The following IL1RAPL2 variants were observed in gnomAD, a reference collection of about 807,000 sequenced individuals.
IL1RAPL2 encodes the protein interleukin 1 receptor accessory protein like 2.
Under a neutral mutation model 44.1 loss-of-function variants are expected in IL1RAPL2, and 3 were observed. That is an observed-to-expected ratio of 0.07 (90% CI 0.03 to 0.18). The LOEUF (loss-of-function observed/expected upper bound fraction) is 0.18, where lower values mean the gene tolerates loss of function less well. IL1RAPL2 is among the 10% of genes least tolerant of loss of function. IL1RAPL2 has a pLI of 1.00. For missense variants in IL1RAPL2, 391 were observed against 496.4 expected, an observed-to-expected ratio of 0.79 and a Z score of 2.02; for synonymous variants, 181 against 178.8, an observed-to-expected ratio of 1.01 and a Z score of -0.10.
intron 2 of IL1RAPL2, among the ~76,000 whole-genome samples, chrX:104,802,577 C>T (rs1010110556): frequency 2.7e-5 from 3 of 110,699 alleles, no homozygotes; most frequent in Non-Finnish European, 3.8e-5. Context: ...TCATTTCAGC[C>T]GCTGTATGCA....
chrX:105,478,296 G>A (rs1172242448), intron 5 of IL1RAPL2, among the ~76,000 whole-genome samples: 1 of 111,245 alleles, frequency 9.0e-6, no homozygotes, highest in Non-Finnish European at 1.9e-5. Flanking sequence ...GGCCAGGGAA[G>A]CTGCTAAACA....
chrX:104,981,948 T>A (rs1001668650), intron 2 of IL1RAPL2, among the ~76,000 whole-genome samples: 2 of 110,458 alleles, frequency 1.8e-5, no homozygotes, highest in African/African-American at 6.6e-5. Flanking sequence ...ACTTTTACAA[T>A]GGATGCAAAG....
chrX:104,774,740 T>C (rs1443317729), intron 2 of IL1RAPL2, among the ~76,000 whole-genome samples: 1 of 112,145 alleles, frequency 8.9e-6, no homozygotes, highest in African/African-American at 3.2e-5. Flanking sequence ...CATTGATATG[T>C]GACTGGGTAT....
chrX:105,655,499 T>A (rs210550), intron 6 of IL1RAPL2, among the ~76,000 whole-genome samples: 1 of 111,786 alleles, frequency 8.9e-6, no homozygotes, highest in Non-Finnish European at 1.9e-5. Flanking sequence ...TGGACTTGTT[T>A]GGCTGCAAAA....
chrX:105,131,870 A>C (rs1219994316), intron 2 of IL1RAPL2, among the ~76,000 whole-genome samples: 1 of 111,596 alleles, frequency 9.0e-6, no homozygotes, highest in Non-Finnish European at 1.9e-5. Flanking sequence ...AGGCGTAGGC[A>C]TACCATAAAA....
intron 2 of IL1RAPL2, among the ~76,000 whole-genome samples, chrX:104,956,721 A>G (rs1013743586): frequency 9.0e-5 from 10 of 111,406 alleles, no homozygotes; most frequent in East Asian, 5.6e-4. Context: ...TAGGCATTCT[A>G]TGGAGGCACC....
At chrX:105,099,620 A>C (rs1443178371) in intron 2 of IL1RAPL2, among the ~76,000 whole-genome samples, 1 of 105,475 alleles carries the variant, frequency 9.5e-6, no homozygotes, top group Non-Finnish European at 1.9e-5. Context: ...GCCCGCCACT[A>C]CGCCTGGCTA....
chrX:104,728,135 G>T (rs1420976881), intron 2 of IL1RAPL2, among the ~76,000 whole-genome samples: 1 of 111,204 alleles, frequency 9.0e-6, no homozygotes, highest in African/African-American at 3.3e-5. Context: ...GAGACCAAAA[G>T]AGAAAGGAAT....
chrX:105,242,203 C>G (rs1374014708), intron 4 of IL1RAPL2, among the ~76,000 whole-genome samples: 1 of 111,958 alleles, frequency 8.9e-6, no homozygotes, highest in Non-Finnish European at 1.9e-5. Flanking sequence ...CAGTTTATGA[C>G]ATCAAAGCAT....
At chrX:105,442,707 A>G (rs147608569) in intron 5 of IL1RAPL2, among the ~76,000 whole-genome samples, 89 of 112,502 alleles carry the variant, frequency 7.9e-4, no homozygotes, top group African/African-American at 2.8e-3. Context: ...AATAATGTGC[A>G]GTAGAAGCTC....
At chrX:105,353,735 T>A (rs2035177063) in intron 5 of IL1RAPL2, among the ~76,000 whole-genome samples, 1 of 111,452 alleles carries the variant, frequency 9.0e-6, no homozygotes, top group South Asian at 3.8e-4. Context: ...TCTGTGTTTG[T>A]CTGTTATTGG....
intron 6 of IL1RAPL2, among the ~76,000 whole-genome samples, chrX:105,563,786 A>G (rs1012424072): frequency 3.6e-5 from 4 of 111,414 alleles, no homozygotes; most frequent in Admixed American, 9.6e-5. Flanking sequence ...AGCAAAATAC[A>G]TGGAGAAAAA....
At chrX:105,291,604 G>A (rs2034612535) in intron 5 of IL1RAPL2, among the ~76,000 whole-genome samples, 1 of 111,530 alleles carries the variant, frequency 9.0e-6, no homozygotes, top group Admixed American at 9.6e-5. Context: ...ACACCCAGTA[G>A]AAGATCCAAA....
At chrX:105,077,691 T>G (rs757831013) in intron 2 of IL1RAPL2, among the ~76,000 whole-genome samples, 4 of 112,103 alleles carry the variant, frequency 3.6e-5, no homozygotes, top group Non-Finnish European at 5.6e-5. Flanking sequence ...CAATTAGACA[T>G]AGATTTGGTC....
chrX:105,621,060 A>G (rs1389555991), intron 6 of IL1RAPL2, among the ~76,000 whole-genome samples: 2 of 111,386 alleles, frequency 1.8e-5, no homozygotes, highest in Non-Finnish European at 3.8e-5. Context: ...GAGGAGATTT[A>G]TTTGATTGGT....
At chrX:104,961,467 A>G (rs2030005483) in intron 2 of IL1RAPL2, among the ~76,000 whole-genome samples, 1 of 111,546 alleles carries the variant, frequency 9.0e-6, no homozygotes, top group Admixed American at 9.6e-5. Context: ...TCCTGATACT[A>G]AACGCTGGTA....
chrX:104,659,878 GA>G (rs1930353854), intron 2 of IL1RAPL2, among the ~76,000 whole-genome samples: 1 of 111,886 alleles, frequency 8.9e-6, no homozygotes, highest in African/African-American at 3.2e-5. Flanking sequence ...AAAAAATGCG[GA>G]TTGGGGGGAG....
intron 2 of IL1RAPL2, among the ~76,000 whole-genome samples, chrX:105,077,869 G>A (rs1049844767): frequency 1.8e-5 from 2 of 110,547 alleles, no homozygotes; most frequent in African/African-American, 3.3e-5. Flanking sequence ...TGTAGTTCTC[G>A]TGCCATGGTT....
intron 2 of IL1RAPL2, among the ~76,000 whole-genome samples, chrX:105,059,000 G>A (rs780489537): frequency 4.5e-5 from 5 of 111,881 alleles, no homozygotes; most frequent in Non-Finnish European, 1.9e-5. Flanking sequence ...ATACACAGTA[G>A]ATGTATATAT....
Sources: gnomAD v4.1 joint callset for allele counts (sites outside exome capture counted in the v4.1 genomes callset) on GRCh38, gnomAD v4.1.1 for gene constraint, MANE v1.5 for transcripts, NCBI Gene and HGNC (gene_info 2026-07-23, HGNC 2026-07-21) for gene names.